HOMER1: variants seen among roughly 807,000 people sequenced by gnomAD.
The protein encoded by HOMER1 is homer scaffold protein 1.
In HOMER1, 3 loss-of-function variants were observed where a neutral mutation model predicts 48.9. The observed-to-expected ratio is 0.06, with a 90% CI of 0.03 to 0.16. HOMER1 has a LOEUF of 0.16. Among genes scored for constraint, HOMER1 ranks in the 10% least tolerant of loss-of-function variants. The pLI is 1.00. For synonymous variants in HOMER1, 134 were observed against 146.4 expected (o/e 0.92, Z 0.61); for missense variants, 247 against 411.4 (o/e 0.60, Z 3.46).
At chr5:79,507,431 C>CT in intron 1 of HOMER1, among the ~76,000 whole-genome samples, 1 of 151,922 alleles carries the variant, frequency 6.6e-6, no homozygotes, top group Non-Finnish European at 1.5e-5. Context: ...AATCACTCAA[C>CT]TTTTCAAAAA....
At chr5:79,388,016 G>T (rs558163036) in intron 8 of HOMER1, among the ~76,000 whole-genome samples, 1 of 152,126 alleles carries the variant, frequency 6.6e-6, no homozygotes, top group Non-Finnish European at 1.5e-5. Context: ...AGAGTTGTGG[G>T]GGCAATGCCC....
At chr5:79,378,812 G>A (rs1214823470) in intron 8 of HOMER1, among the ~76,000 whole-genome samples, 1 of 151,722 alleles carries the variant, frequency 6.6e-6, no homozygotes, top group Non-Finnish European at 1.5e-5. Flanking sequence ...CATTTTCAAT[G>A]GAAGCAAGCA....
At chr5:79,404,850 C>T (rs1749622503) in intron 5 of HOMER1, among the ~76,000 whole-genome samples, 2 of 149,528 alleles carry the variant, frequency 1.3e-5, no homozygotes, top group South Asian at 4.3e-4. Context: ...AGGTGCCCAC[C>T]ACCACGCCCA....
intron 1 of HOMER1, among the ~76,000 whole-genome samples, chr5:79,505,062 G>A (rs1488176503): frequency 3.9e-5 from 6 of 151,996 alleles, no homozygotes. Context: ...TGGAGCACTT[G>A]AGGTCAGGAC....
intron 8 of HOMER1, among the ~76,000 whole-genome samples, chr5:79,381,253 G>C (rs969806073): frequency 9.9e-5 from 15 of 152,156 alleles, no homozygotes; most frequent in African/African-American, 3.6e-4. Context: ...GCTATTTACA[G>C]CCAAAGAAAT....
At chr5:79,392,036 C>G (rs1013467585) in intron 8 of HOMER1, among the ~76,000 whole-genome samples, 1 of 151,768 alleles carries the variant, frequency 6.6e-6, no homozygotes, top group Admixed American at 6.6e-5. Context: ...GTGGTGATGC[C>G]GATATAAATA....
chr5:79,475,288 G>A (rs1021200174), intron 1 of HOMER1, among the ~76,000 whole-genome samples: 3 of 152,050 alleles, frequency 2.0e-5, no homozygotes, highest in African/African-American at 4.8e-5. Context: ...TCTAGAGCCC[G>A]TATCTTTATC....
chr5:79,451,927 T>C (rs925160230), intron 2 of HOMER1, among the ~76,000 whole-genome samples: 1 of 152,162 alleles, frequency 6.6e-6, no homozygotes, highest in African/African-American at 2.4e-5. Context: ...TACATTATGA[T>C]ACAGAAAAGA....
At position 79,424,724 on chromosome 5, in the gene HOMER1, A is replaced by G. The variant is rs535066973; in HGVS notation, c.527+14286T>C. On this transcript the variant is annotated intron_variant, in intron 5 of 8. Coordinates refer to ENST00000334082, the MANE Select transcript of HOMER1 (RefSeq NM_004272.5). ...CTGGCTATATTTTTAAATCTTAAAA[A>G]GAAATGGCATCTATGAGTCAGTTCT... 2.0e-5 allele frequency among the ~76,000 whole-genome samples: 3 copies of G among 152,216 alleles called. No individual in the cohort carries two copies. In the East Asian group the frequency reaches 5.8e-4, roughly 29 times the overall value.
chr5:79,511,237 A>G lies in HOMER1; in HGVS notation c.5+1533T>C, dbSNP rs530726559. Reference sequence around the variant, plus strand: ...GGAAGCCATATTTCTAAGGTTTTGAACAGTAGTATTTTTCAGTATTTTTCT... The same window carrying G: ...GGAAGCCATATTTCTAAGGTTTTGAGCAGTAGTATTTTTCAGTATTTTTCT... On this transcript the variant is annotated intron_variant, in intron 1 of 8. Transcript: ENST00000334082. 3.8e-4 allele frequency among the ~76,000 whole-genome samples: 57 copies of G among 151,604 alleles called. 1 individual carries two copies. In the South Asian group the frequency reaches 0.012, roughly 31 times the overall value.
At chr5:79,400,355 CTT>C (rs199554458) in intron 6 of HOMER1, among the ~76,000 whole-genome samples, 3 of 141,372 alleles carry the variant, frequency 2.1e-5, no homozygotes, top group Admixed American at 7.1e-5. Context: ...CCTTTTCTTT[CTT>C]TTTTTTTTTT....
At chr5:79,462,029 T>C (rs1204159806) in intron 1 of HOMER1, among the ~76,000 whole-genome samples, 1 of 151,954 alleles carries the variant, frequency 6.6e-6, no homozygotes, top group Non-Finnish European at 1.5e-5. Context: ...TAAAACCCCA[T>C]CTCTACTAAA....
At chr5:79,478,107 A>C (rs1432535300) in intron 1 of HOMER1, among the ~76,000 whole-genome samples, 1 of 152,178 alleles carries the variant, frequency 6.6e-6, no homozygotes, top group Non-Finnish European at 1.5e-5. Context: ...GAGGCATTTA[A>C]AGAGTCAGGA....
intron 5 of HOMER1, among the ~76,000 whole-genome samples, chr5:79,414,158 G>A (rs539712745): frequency 6.6e-6 from 1 of 152,026 alleles, no homozygotes; most frequent in Non-Finnish European, 1.5e-5. Flanking sequence ...TGTGATCACT[G>A]CAACCTCTGC....
intron 8 of HOMER1, among the ~76,000 whole-genome samples, chr5:79,387,069 T>TTCTCTA (rs1251288501): frequency 7.6e-6 from 1 of 132,266 alleles, no homozygotes; most frequent in South Asian, 2.5e-4. Flanking sequence ...TTTCCTTTCT[T>TTCTCTA]TCTCTATCTC....
intron 1 of HOMER1, among the ~76,000 whole-genome samples, chr5:79,509,000 G>A (rs1043959038): frequency 6.6e-6 from 1 of 152,138 alleles, no homozygotes; most frequent in East Asian, 1.9e-4. Flanking sequence ...GATATGATAG[G>A]GTGGTTATCT....
At chr5:79,447,539 C>T (rs1750917927) in intron 3 of HOMER1, among the ~76,000 whole-genome samples, 1 of 152,182 alleles carries the variant, frequency 6.6e-6, no homozygotes, top group South Asian at 2.1e-4. Context: ...CACTTGTAAA[C>T]ATCACAGTAT....
At chr5:79,503,011 T>G (rs567511067) in intron 1 of HOMER1, among the ~76,000 whole-genome samples, 12 of 152,124 alleles carry the variant, frequency 7.9e-5, no homozygotes, top group Middle Eastern at 6.8e-3. Flanking sequence ...AGGACGGTCT[T>G]GATCTGACCT....
At chr5:79,512,359 A>C (rs1296232537) in intron 1 of HOMER1, among the ~76,000 whole-genome samples, 2 of 152,188 alleles carry the variant, frequency 1.3e-5, no homozygotes, top group African/African-American at 4.8e-5. Context: ...TTGTCTAACC[A>C]CTCATTAAAA....
Sources: allele counts gnomAD v4.1 joint callset (sites outside exome capture counted in the v4.1 genomes callset), GRCh38; gene constraint gnomAD v4.1.1; transcripts MANE v1.5; gene names NCBI Gene and HGNC (gene_info 2026-07-23, HGNC 2026-07-21).